KMT2C: variants seen among roughly 807,000 people sequenced by gnomAD.
KMT2C encodes the protein histone-lysine N-methyltransferase 2C.
A neutral mutation model predicts 507.9 loss-of-function variants in KMT2C; 88 were observed. That is an observed-to-expected ratio of 0.17 (90% CI 0.15 to 0.21). The LOEUF is 0.21. KMT2C is among the 10% of genes least tolerant of loss of function. KMT2C has a pLI of 1.00. For synonymous variants in KMT2C, 2,049 were observed against 2,080.8 expected (o/e 0.98, Z 0.42); for missense variants, 4,954 against 5,957.8 (o/e 0.83, Z 5.55).
intron 1 of KMT2C, among the ~76,000 whole-genome samples, chr7:152,406,558 C>T (rs1589787802): frequency 6.6e-5 from 10 of 151,210 alleles, no homozygotes; most frequent in African/African-American, 2.2e-4. Flanking sequence ...TCCTGGGCTG[C>T]CCAAGCTGGA....
At chr7:152,299,753 A>G (rs1326613356) in intron 6 of KMT2C, among the ~76,000 whole-genome samples, 8 of 151,736 alleles carry the variant, frequency 5.3e-5, no homozygotes, top group Non-Finnish European at 1.0e-4. Flanking sequence ...AAATACCCCC[A>G]ATTAAAAAGC....
Position 152,235,827 on chromosome 7 carries a change from A to G in KMT2C, c.2759T>C (p.Val920Ala), listed in dbSNP as rs190132353. 2.1e-5 allele frequency: 33 copies of G among 1,599,810 alleles called. No individual in the cohort carries two copies. In the African/African-American group the frequency reaches 4.4e-4, roughly 21 times the overall value. ...SKLKSGIGAV[V>A]LPGVSTADIS... is the part of the protein sequence containing the mutation. ...TGAAGCAAGCCTCACCCCAGGTAAT[A>G]CAACAGCTCCGATTCCACTTTTCAG... The change falls in exon 16 of 59, where the codon GTA becomes GCA. Residue 920 changes from valine to alanine, a missense_variant. Physicochemically the swap from Val to Ala is moderately conservative, Grantham distance 64. Coordinates refer to ENST00000262189, the MANE Select transcript of KMT2C (RefSeq NM_170606.3).
chr7:152,411,562 A>G (rs2097684254), intron 1 of KMT2C, among the ~76,000 whole-genome samples: 1 of 152,246 alleles, frequency 6.6e-6, no homozygotes, highest in African/African-American at 2.4e-5. Flanking sequence ...AAAAGGCACG[A>G]GTAGAGAAAG....
chr7:152,301,105 A>G (rs930292104), intron 6 of KMT2C, among the ~76,000 whole-genome samples: 3 of 151,800 alleles, frequency 2.0e-5, no homozygotes, highest in Admixed American at 6.6e-5. Context: ...GCTCACGCCT[A>G]TAATACTAGC....
intron 1 of KMT2C, among the ~76,000 whole-genome samples, chr7:152,382,027 C>T (rs76145327): frequency 0.066 from 4,778 of 72,732 alleles, no homozygotes; most frequent in East Asian, 0.17. Flanking sequence ...TATGGTTGCC[C>T]GTAACATACC....
chr7:152,360,974 C>T (rs1198674003), intron 1 of KMT2C, among the ~76,000 whole-genome samples: 1 of 151,714 alleles, frequency 6.6e-6, no homozygotes, highest in African/African-American at 2.4e-5. Flanking sequence ...AGAATTCCAA[C>T]AAACATTGTC....
intron 2 of KMT2C, among the ~76,000 whole-genome samples, chr7:152,357,532 TAAAAAC>T (rs1220274901): frequency 6.6e-6 from 1 of 150,634 alleles, no homozygotes; most frequent in Non-Finnish European, 1.5e-5. Context: ...ACTCTTGTCT[TAAAAAC>T]AAACAAACAA....
Position 152,136,913 on chromosome 7 carries a change from G to C in KMT2C, c.14655C>G (p.Asp4885Glu). The change falls in exon 59 of 59, where the codon GAC becomes GAG. Residue 4885 changes from aspartate (D) to glutamate (E), a missense_variant. Transcript: ENST00000262189. ...RIQKGEELCY[D>E]YKFDFEDDQH... Reference sequence around the variant, plus strand: ...GGTCATCTTCAAAGTCAAACTTATAGTCATAGCAGAGCTGCCCACGGCAAA... The same window carrying C: ...GGTCATCTTCAAAGTCAAACTTATACTCATAGCAGAGCTGCCCACGGCAAA... The C allele has an allele frequency of 6.2e-7, 1 of 1,612,586 alleles. No individual in the cohort carries two copies. The highest frequency in any genetic ancestry group is 8.5e-7 in the Non-Finnish European group (1 of 1,179,796).
intron 23 of KMT2C, among the ~76,000 whole-genome samples, chr7:152,214,100 C>T (rs1353633349): frequency 3.3e-5 from 5 of 151,746 alleles, no homozygotes; most frequent in Non-Finnish European, 1.5e-5. Flanking sequence ...GAAAACGAAA[C>T]CTTTGTACAT....
intron 1 of KMT2C, among the ~76,000 whole-genome samples, chr7:152,364,615 A>G (rs1188676677): frequency 6.6e-6 from 1 of 151,574 alleles, no homozygotes; most frequent in Admixed American, 6.6e-5. Context: ...TCTCCAAAAA[A>G]AAAAAGAAAA....
At chr7:152,244,731 A>T (rs1445509423) in intron 14 of KMT2C, among the ~76,000 whole-genome samples, 1 of 152,190 alleles carries the variant, frequency 6.6e-6, no homozygotes, top group Non-Finnish European at 1.5e-5. Context: ...TAGGCAAGAA[A>T]ACAAAAAACA....
chr7:152,320,464 G>A (rs777759351), intron 3 of KMT2C, among the ~76,000 whole-genome samples: 2 of 152,040 alleles, frequency 1.3e-5, no homozygotes, highest in Non-Finnish European at 2.9e-5. Flanking sequence ...GGCCAGGCTG[G>A]TCTCAAACTC....
chr7:152,409,563 CAAAA>C (rs367688749), intron 1 of KMT2C, among the ~76,000 whole-genome samples: 428 of 96,824 alleles, frequency 4.4e-3, no homozygotes, highest in African/African-American at 6.0e-3. Context: ...GCTAAAAATA[CAAAA>C]AAAAAAAAAA....
intron 42 of KMT2C, among the ~76,000 whole-genome samples, chr7:152,166,311 G>C (rs1255878464): frequency 1.3e-5 from 2 of 151,422 alleles, no homozygotes; most frequent in East Asian, 2.0e-4. Context: ...TAGTAGAGAC[G>C]GGGTTTCACC....
Position 152,182,574 on chromosome 7 carries a change from C to T in KMT2C, c.5286G>A (p.Lys1762=), listed in dbSNP as rs751938172. The T allele has an allele frequency of 1.3e-6, 2 of 1,579,562 alleles. No individual in the cohort carries two copies. The highest frequency in any genetic ancestry group is 2.3e-5 in the East Asian group (1 of 44,250). The change falls in exon 36 of 59, where the codon AAG becomes AAA. Residue 1762 remains lysine, a synonymous_variant. Transcript: ENST00000262189. ...KFRQQMRQKS[K]QQAKIEATQK... The stretch of plus-strand genomic sequence containing the variant: ...GTGTGGCTTCAATTTTAGCTTGCTG[C>T]TTACTTTTCTGACGCATTTGCTATT...
In KMT2C at chr7:152,135,036, T is replaced by A. The variant is rs1455699907; in HGVS notation, c.*1796A>T. On this transcript the variant is annotated 3_prime_UTR_variant, in exon 59 of 59. Coordinates refer to ENST00000262189, the MANE Select transcript of KMT2C (RefSeq NM_170606.3). ...TCAAAAAATTCAATTTTTGCCAACATTAGATACTATTATACAGAACAGAAA... is the reference window on the plus strand; with the variant it reads ...TCAAAAAATTCAATTTTTGCCAACAATAGATACTATTATACAGAACAGAAA... 1 of 228,860 alleles carries A rather than the reference T, an allele frequency of 4.4e-6. No individual in the cohort carries two copies. Among genetic ancestry groups the A allele is most frequent in the East Asian group, 6.3e-5 (1 of 15,902 alleles). The allele number at this position is 228,860 out of a possible 1,614,324, so 14.2% of individuals were successfully genotyped here. A position where few individuals can be genotyped will look rare whatever the true frequency, so the allele number is the denominator to read the frequency against.
At chr7:152,395,236 G>A (rs753611128) in intron 1 of KMT2C, among the ~76,000 whole-genome samples, 1 of 152,128 alleles carries the variant, frequency 6.6e-6, no homozygotes, top group African/African-American at 2.4e-5. Context: ...ACCGGCTGGA[G>A]TGCAGTGGCG....
intron 31 of KMT2C, among the ~76,000 whole-genome samples, chr7:152,191,117 G>T (rs1588082942): frequency 1.3e-5 from 2 of 152,168 alleles, no homozygotes; most frequent in East Asian, 3.9e-4. Context: ...TACTCTACTG[G>T]CAGTATATTC....
chr7:152,158,423 TA>T (rs1397284066), intron 44 of KMT2C, among the ~76,000 whole-genome samples: 1 of 152,236 alleles, frequency 6.6e-6, no homozygotes, highest in African/African-American at 2.4e-5. Context: ...GCCAATAGGA[TA>T]CGGTGCAATT....
Sources: allele counts gnomAD v4.1 joint callset (sites outside exome capture counted in the v4.1 genomes callset), GRCh38; gene constraint gnomAD v4.1.1; transcripts MANE v1.5; gene names NCBI Gene and HGNC (gene_info 2026-07-23, HGNC 2026-07-21).